Variants in CDKAL1 observed in about 807,000 individuals in gnomAD.
The protein encoded by CDKAL1 is CDKAL1 threonylcarbamoyladenosine tRNA methylthiotransferase.
In CDKAL1, 32 loss-of-function variants were observed where a neutral mutation model predicts 68.2. The ratio of observed to expected loss-of-function variants is 0.47; its 90% CI spans 0.35 to 0.63. The LOEUF (loss-of-function observed/expected upper bound fraction) is 0.63. Ranked by LOEUF, CDKAL1 falls within the 30% of genes least tolerant of loss-of-function variation. The pLI is 0.00. For synonymous variants in CDKAL1, 234 were observed against 244.3 expected, an observed-to-expected ratio of 0.96 and a Z score of 0.39; for missense variants, 606 against 696.7, an observed-to-expected ratio of 0.87 and a Z score of 1.47.
chr6:20,580,242 C>T (rs536583781), intron 4 of CDKAL1, among the ~76,000 whole-genome samples: 1 of 152,090 alleles, frequency 6.6e-6, no homozygotes, highest in Non-Finnish European at 1.5e-5. Context: ...ATTTTCAAGC[C>T]CCCAGAAAGT....
At chr6:21,195,482 TTTA>T (rs1364418834) in intron 13 of CDKAL1, among the ~76,000 whole-genome samples, 11 of 65,830 alleles carry the variant, frequency 1.7e-4, no homozygotes, top group African/African-American at 5.3e-4. Flanking sequence ...GTTTTTTTTA[TTTA>T]TTTATTTATT....
intron 5 of CDKAL1, among the ~76,000 whole-genome samples, chr6:20,662,433 A>G (rs574461008): frequency 2.6e-4 from 40 of 152,172 alleles, no homozygotes; most frequent in African/African-American, 9.4e-4. Flanking sequence ...ATCTTACTCA[A>G]AGTGCCCTAT....
In CDKAL1 at chr6:20,924,630, C is replaced by T. The variant is rs369875676; in HGVS notation, c.743-30789C>T. 2.6e-5 allele frequency among the ~76,000 whole-genome samples: 4 copies of T among 152,332 alleles called. No homozygotes were observed. The East Asian group carries it at 7.7e-4, about 29-fold the overall frequency. On this transcript the variant is annotated intron_variant, in intron 9 of 15. Coordinates refer to ENST00000274695, the MANE Select transcript of CDKAL1 (RefSeq NM_017774.3). ...AGTCTAATCCAGAGCAAAGCCCTAA[C>T]TCTGTTCAATTCTGTGAAGGCTGAG...
chr6:20,814,514 G>T (rs113422039), intron 8 of CDKAL1, among the ~76,000 whole-genome samples: 2 of 152,186 alleles, frequency 1.3e-5, no homozygotes, highest in African/African-American at 4.8e-5. Flanking sequence ...TCCTGGCTTC[G>T]GGTGATCCAC....
At chr6:20,640,240 T>C (rs935294934) in intron 4 of CDKAL1, among the ~76,000 whole-genome samples, 2 of 152,252 alleles carry the variant, frequency 1.3e-5, no homozygotes, top group African/African-American at 4.8e-5. Context: ...TTGTTCTTAC[T>C]GAATTTTTAT....
chr6:20,648,954 A>G (rs1768617383), intron 4 of CDKAL1, among the ~76,000 whole-genome samples: 1 of 152,256 alleles, frequency 6.6e-6, no homozygotes, highest in Non-Finnish European at 1.5e-5. Flanking sequence ...CACATAATCC[A>G]CAAAGGTGAA....
intron 8 of CDKAL1, among the ~76,000 whole-genome samples, chr6:20,815,892 T>C (rs1338472552): frequency 6.6e-6 from 1 of 152,188 alleles, no homozygotes; most frequent in Non-Finnish European, 1.5e-5. Flanking sequence ...TATCACAACC[T>C]GGGTGGTTTA....
At chr6:20,923,105 G>C (rs760485452) in intron 9 of CDKAL1, among the ~76,000 whole-genome samples, 1 of 151,872 alleles carries the variant, frequency 6.6e-6, no homozygotes, top group Non-Finnish European at 1.5e-5. Context: ...TTCTTTGGTA[G>C]AAACAGGGTC....
At chr6:20,931,897 G>A (rs1244084748) in intron 9 of CDKAL1, among the ~76,000 whole-genome samples, 1 of 152,134 alleles carries the variant, frequency 6.6e-6, no homozygotes, top group Non-Finnish European at 1.5e-5. Context: ...CTCTTCAGTC[G>A]ATTGATTTTA....
intron 13 of CDKAL1, among the ~76,000 whole-genome samples, chr6:21,112,402 C>A (rs1029806463): frequency 6.6e-6 from 1 of 152,214 alleles, no homozygotes; most frequent in Non-Finnish European, 1.5e-5. Context: ...CACAGTTAAT[C>A]TGCATGAATT....
chr6:20,761,608 A>C (rs1209193394), intron 7 of CDKAL1, among the ~76,000 whole-genome samples: 1 of 152,172 alleles, frequency 6.6e-6, no homozygotes, highest in Non-Finnish European at 1.5e-5. Flanking sequence ...GAGCTAAAAA[A>C]CCATGAAATG....
chr6:20,859,035 G>A (rs538696854), intron 9 of CDKAL1, among the ~76,000 whole-genome samples: 1 of 151,656 alleles, frequency 6.6e-6, no homozygotes, highest in East Asian at 1.9e-4. Flanking sequence ...CCATTTTTTA[G>A]TATAGGAAAT....
chr6:20,929,769 G>C (rs920384438), intron 9 of CDKAL1, among the ~76,000 whole-genome samples: 1 of 152,156 alleles, frequency 6.6e-6, no homozygotes, highest in Admixed American at 6.5e-5. Flanking sequence ...CCCACTGACA[G>C]TTGGGCTGCT....
intron 8 of CDKAL1, among the ~76,000 whole-genome samples, chr6:20,843,424 T>TGGTTCCAAGCATTTAGC (rs1164148551): frequency 6.6e-6 from 1 of 152,090 alleles, no homozygotes; most frequent in Non-Finnish European, 1.5e-5. Context: ...TCTGAAATGC[T>TGGTTCCAAGCATTTAGC]TGGAACCAGC....
Position 20,748,436 on chromosome 6 carries a change from G to GGAGTTCCAGGCTGTGGC in CDKAL1, c.468+8838_468+8854dup, listed in dbSNP as rs766211511. 1.8e-3 allele frequency among the ~76,000 whole-genome samples: 276 copies of GGAGTTCCAGGCTGTGGC among 151,786 alleles called. 1 individual carries two copies. Among genetic ancestry groups the GGAGTTCCAGGCTGTGGC allele is most frequent in the Middle Eastern group, 0.014 (4 of 294 alleles). On this transcript the variant is annotated intron_variant, in intron 6 of 15. Coordinates refer to ENST00000274695, the MANE Select transcript of CDKAL1 (RefSeq NM_017774.3). ...GAGGCAGGAGGGTTGCTTGAGTCGA[G>GGAGTTCCAGGCTGTGGC]GAGTTCCAGGCTGTGGCGAGTTCCA...
chr6:21,103,954 A>G (rs1019887968), intron 12 of CDKAL1, among the ~76,000 whole-genome samples: 4 of 152,196 alleles, frequency 2.6e-5, no homozygotes, highest in African/African-American at 9.7e-5. Context: ...AAAACTGTTG[A>G]TAGCAAGGCT....
chr6:20,635,210 T>C (rs1202661379), intron 4 of CDKAL1, among the ~76,000 whole-genome samples: 1 of 152,096 alleles, frequency 6.6e-6, no homozygotes, highest in Non-Finnish European at 1.5e-5. Context: ...TCTGGACAAT[T>C]GGAGGCACTG....
intron 6 of CDKAL1, among the ~76,000 whole-genome samples, chr6:20,750,206 G>T (rs1773854951): frequency 6.6e-6 from 1 of 152,124 alleles, no homozygotes; most frequent in African/African-American, 2.4e-5. Flanking sequence ...CTCCCAAGTA[G>T]CTGGGACTGC....
At chr6:20,599,434 C>A in intron 4 of CDKAL1, 1 of 437,346 alleles carries the variant, frequency 2.3e-6, no homozygotes, top group South Asian at 1.7e-5. Flanking sequence ...AAGACCTACT[C>A]TTTCTGGAAC....
Sources: allele counts gnomAD v4.1 joint callset (sites outside exome capture counted in the v4.1 genomes callset), GRCh38; gene constraint gnomAD v4.1.1; transcripts MANE v1.5; gene names NCBI Gene and HGNC (gene_info 2026-07-23, HGNC 2026-07-21).